The following FRMD4A variants were observed in gnomAD, a reference collection of about 807,000 sequenced individuals.
FRMD4A encodes FERM domain-containing protein 4A.
A neutral mutation model predicts 129.1 loss-of-function variants in FRMD4A; 29 were observed. That is an observed-to-expected ratio of 0.22 (90% CI 0.17 to 0.31). The LOEUF is 0.31. Among genes scored for constraint, FRMD4A ranks in the 10% least tolerant of loss-of-function variants. The pLI is 1.00. For missense variants in FRMD4A, 1,272 were observed against 1,375.8 expected, an observed-to-expected ratio of 0.92 and a Z score of 1.19; for synonymous variants, 634 against 571.6, an observed-to-expected ratio of 1.11 and a Z score of -1.56.
At chr10:13,779,942 G>T (rs76947307) in intron 6 of FRMD4A, among the ~76,000 whole-genome samples, 3 of 152,204 alleles carry the variant, frequency 2.0e-5, no homozygotes, top group Admixed American at 6.5e-5. Context: ...CCCTAAGGGG[G>T]TGTGACGGAG....
At chr10:14,253,354 G>C (rs1167515575) in intron 2 of FRMD4A, among the ~76,000 whole-genome samples, 1 of 152,208 alleles carries the variant, frequency 6.6e-6, no homozygotes, top group East Asian at 1.9e-4. Context: ...TTTGCCAGCA[G>C]CTTAGCAAAG....
chr10:14,214,210 G>A (rs907173986), intron 2 of FRMD4A, among the ~76,000 whole-genome samples: 21 of 152,186 alleles, frequency 1.4e-4, no homozygotes, highest in Non-Finnish European at 3.1e-4. Flanking sequence ...CATACAGGTG[G>A]TCCTCAGAGT....
chr10:13,854,689 C>T (rs2094189990), intron 3 of FRMD4A, among the ~76,000 whole-genome samples: 1 of 151,738 alleles, frequency 6.6e-6, no homozygotes, highest in Non-Finnish European at 1.5e-5. Flanking sequence ...TCCTTGGCCT[C>T]CCAAAGTGCT....
At chr10:14,077,237 A>T (rs949523171) in intron 2 of FRMD4A, among the ~76,000 whole-genome samples, 2 of 152,150 alleles carry the variant, frequency 1.3e-5, no homozygotes, top group African/African-American at 2.4e-5. Flanking sequence ...GCATTATAAG[A>T]ATTATATTTT....
chr10:14,153,869 C>G (rs1840465344), intron 2 of FRMD4A, among the ~76,000 whole-genome samples: 1 of 152,196 alleles, frequency 6.6e-6, no homozygotes, highest in Non-Finnish European at 1.5e-5. Context: ...TCGTTCTTTC[C>G]TAACTACTCA....
At chr10:14,146,709 T>A (rs1840093124) in intron 2 of FRMD4A, among the ~76,000 whole-genome samples, 1 of 152,172 alleles carries the variant, frequency 6.6e-6, no homozygotes, top group Non-Finnish European at 1.5e-5. Flanking sequence ...TTCTCAGCTC[T>A]TGCTCCACCT....
At chr10:13,651,262 T>C (rs1243038067) in intron 24 of FRMD4A, 2 of 152,334 alleles carry the variant, frequency 1.3e-5, no homozygotes, top group Non-Finnish European at 2.9e-5. Flanking sequence ...TCATAGCTTT[T>C]GGTACTCAGC....
At chr10:13,772,229 A>T (rs1387002245) in intron 6 of FRMD4A, among the ~76,000 whole-genome samples, 1 of 147,666 alleles carries the variant, frequency 6.8e-6, no homozygotes, top group Non-Finnish European at 1.5e-5. Flanking sequence ...ATTATATAAT[A>T]AATAAATAAA....
intron 2 of FRMD4A, among the ~76,000 whole-genome samples, chr10:13,943,937 G>A (rs74122403): frequency 0.025 from 3,753 of 152,184 alleles, 154 homozygotes; most frequent in African/African-American, 0.085. Context: ...AGGTGACAGC[G>A]TAAAAGATGA....
chr10:13,767,995 C>T (rs1428230626), intron 6 of FRMD4A, among the ~76,000 whole-genome samples: 3 of 152,056 alleles, frequency 2.0e-5, no homozygotes, highest in African/African-American at 7.2e-5. Flanking sequence ...TAGGCATCTG[C>T]TTTCCTTACT....
At chr10:14,178,159 T>C (rs900550705) in intron 2 of FRMD4A, among the ~76,000 whole-genome samples, 2 of 152,234 alleles carry the variant, frequency 1.3e-5, no homozygotes, top group Admixed American at 1.3e-4. Context: ...ACTGCTGGTG[T>C]ACTATTTCCA....
rs77062751 is a variant in FRMD4A, at chr10:14,174,608, G to A, written c.45+155450C>T. Among the ~76,000 whole-genome samples the A allele has an allele frequency of 6.6e-3, 1,012 of 152,244 alleles. 11 individuals carry two copies. The highest frequency in any genetic ancestry group is 0.023 in the African/African-American group (937 of 41,536). On this transcript the variant is annotated intron_variant, in intron 2 of 24. Coordinates refer to ENST00000357447, the MANE Select transcript of FRMD4A (RefSeq NM_018027.5). The stretch of plus-strand genomic sequence containing the variant: ...CTCTTAAGAAGTGGGACTCCCACAG[G>A]AATGGATCTAGTTGACACCATTACT...
chr10:14,278,010 C>G (rs964057591), intron 2 of FRMD4A, among the ~76,000 whole-genome samples: 1 of 152,190 alleles, frequency 6.6e-6, no homozygotes. Context: ...TGCCTTCTTC[C>G]CAACTGACAT....
intron 2 of FRMD4A, among the ~76,000 whole-genome samples, chr10:13,894,267 G>T (rs1353696338): frequency 6.6e-6 from 1 of 152,200 alleles, no homozygotes; most frequent in African/African-American, 2.4e-5. Context: ...TCCAGCTGGA[G>T]CGATTCTCCT....
Position 13,740,195 on chromosome 10 carries a change from T to C in FRMD4A, c.671A>G (p.Lys224Arg). The C allele has an allele frequency of 6.3e-7, 1 of 1,586,332 alleles. No individual in the cohort carries two copies. ...PTYGVHYYAVKDKQGIPWWLG... is the reference protein window; with the variant it reads ...PTYGVHYYAVRDKQGIPWWLG... ...CCTTCACCAAATGAGTCTACTCACC[T>C]TCACTGCATAATAGTGAACCCCGTA... Residue 224 changes from lysine to arginine, a missense_variant and splice_region_variant, in exon 11 of 25, where the codon AAG becomes AGG. Around this residue, in one of 2 missense-constraint regions of FRMD4A, gnomAD observed 300 missense variants for 483.6 expected, o/e 0.62. Coordinates refer to ENST00000357447, the MANE Select transcript of FRMD4A (RefSeq NM_018027.5).
intron 3 of FRMD4A, among the ~76,000 whole-genome samples, chr10:13,829,618 A>G (rs967553847): frequency 1.3e-5 from 2 of 152,138 alleles, no homozygotes; most frequent in Non-Finnish European, 2.9e-5. Context: ...GCTCAATTCA[A>G]TGCTTCCTAA....
intron 2 of FRMD4A, among the ~76,000 whole-genome samples, chr10:14,044,484 G>A (rs1833906298): frequency 6.6e-6 from 1 of 152,206 alleles, no homozygotes; most frequent in Non-Finnish European, 1.5e-5. Context: ...AGTCCAATAT[G>A]ACTAGCCCTT....
At chr10:13,927,230 G>C (rs2095143237) in intron 2 of FRMD4A, among the ~76,000 whole-genome samples, 1 of 149,282 alleles carries the variant, frequency 6.7e-6, no homozygotes. Context: ...TACAGCCTGA[G>C]TGACAAAGCA....
intron 2 of FRMD4A, among the ~76,000 whole-genome samples, chr10:14,060,333 T>G (rs1224626438): frequency 1.3e-5 from 2 of 152,184 alleles, no homozygotes; most frequent in African/African-American, 2.4e-5. Context: ...GGTTGGCTGG[T>G]GGGAACACTG....
Sources: gnomAD v4.1 joint callset for allele counts (sites outside exome capture counted in the v4.1 genomes callset) on GRCh38, gnomAD v4.1.1 for gene constraint, gnomAD v4.1.1 regional missense constraint, MANE v1.5 for transcripts, NCBI Gene and HGNC (gene_info 2026-07-23, HGNC 2026-07-21) for gene names.